The following OR51B5 variants were observed in gnomAD, a reference collection of about 807,000 sequenced individuals.
OR51B5 encodes olfactory receptor 51B5.
For missense variants in OR51B5, 456 were observed against 374.6 expected (o/e 1.22, Z -1.79); for synonymous variants, 186 against 144.8 (o/e 1.28, Z -2.04).
chr11:5,399,490 C>T lies in OR51B5; in HGVS notation n.85-52580G>A, dbSNP rs560404236. On this transcript the variant is annotated intron_variant and non_coding_transcript_variant, in intron 1 of 4. Transcript: ENST00000415970. ...TACTAATGTGCACAAAGGTAAAGTA[C>T]GTAAAGTTATACCGAACATAAGATT... is the stretch of plus-strand genomic sequence containing the variant. 1.4e-4 allele frequency among the ~76,000 whole-genome samples: 21 copies of T among 152,232 alleles called. No homozygotes were observed. In the South Asian group the frequency reaches 3.7e-3, roughly 27 times the overall value.
intron 1 of OR51B5, among the ~76,000 whole-genome samples, chr11:5,459,686 T>A (rs1851017704): frequency 6.6e-6 from 1 of 150,932 alleles, no homozygotes; most frequent in Admixed American, 6.6e-5. Flanking sequence ...TGGGATGCCA[T>A]CTCCCATCAG....
intron 1 of OR51B5, among the ~76,000 whole-genome samples, chr11:5,396,577 T>C (rs1849875803): frequency 6.6e-6 from 1 of 151,748 alleles, no homozygotes; most frequent in Non-Finnish European, 1.5e-5. Context: ...TGGAAGAACA[T>C]TCCATGCTCA....
intron 1 of OR51B5, among the ~76,000 whole-genome samples, chr11:5,364,481 T>C (rs921223680): frequency 1.3e-5 from 2 of 152,222 alleles, no homozygotes; most frequent in Non-Finnish European, 2.9e-5. Context: ...TAATTCTCAA[T>C]GGTCAGTCTC....
upstream of OR51B5, among the ~76,000 whole-genome samples, chr11:5,347,284 T>G (rs1443456859): frequency 6.6e-6 from 1 of 152,198 alleles, no homozygotes; most frequent in East Asian, 1.9e-4. Context: ...GTAACCTGAA[T>G]TTCTACTATA....
intron 1 of OR51B5, among the ~76,000 whole-genome samples, chr11:5,457,118 A>G (rs1850972557): frequency 6.6e-6 from 1 of 152,052 alleles, no homozygotes; most frequent in Admixed American, 6.5e-5. Flanking sequence ...AGTTTTTTGA[A>G]CCCCATACTC....
At position 5,477,636 on chromosome 11, in the gene OR51B5, C is replaced by T. The variant is rs935017670; in HGVS notation, n.84+27933G>A. Among the ~76,000 whole-genome samples the T allele has an allele frequency of 3.7e-4, 56 of 152,144 alleles. No individual in the cohort carries two copies. The East Asian group carries it at 6.0e-3, about 16-fold the overall frequency. On this transcript the variant is annotated intron_variant and non_coding_transcript_variant, in intron 1 of 4. Coordinates refer to the OR51B5 transcript ENST00000415970. ...TCACTAGGGAGTGCCAGACAGTCGGCGCAGGTCAGTGGGTGCGCGCACCGT... is the reference window on the plus strand; with the variant it reads ...TCACTAGGGAGTGCCAGACAGTCGGTGCAGGTCAGTGGGTGCGCGCACCGT...
At chr11:5,341,241 A>G (rs536481160), downstream of OR51B5, 159 of 152,318 alleles carry the variant, frequency 1.0e-3, no homozygotes, top group African/African-American at 3.5e-3. Flanking sequence ...AAGCAAGTGC[A>G]TACTGAAGCT....
intron 1 of OR51B5, among the ~76,000 whole-genome samples, chr11:5,408,994 C>A (rs566398294): frequency 1.6e-4 from 24 of 151,976 alleles, no homozygotes; most frequent in Non-Finnish European, 3.1e-4. Context: ...ATAAACCCAA[C>A]TTGTTGATCT....
chr11:5,359,856 T>A (rs549493364), intron 1 of OR51B5, among the ~76,000 whole-genome samples: 1 of 152,244 alleles, frequency 6.6e-6, no homozygotes, highest in African/African-American at 2.4e-5. Context: ...TACAACCATC[T>A]GATCTTTGAC....
intron 1 of OR51B5, among the ~76,000 whole-genome samples, chr11:5,358,714 C>A (rs975756032): frequency 6.6e-6 from 1 of 151,980 alleles, no homozygotes; most frequent in Non-Finnish European, 1.5e-5. Context: ...AGACCAATAT[C>A]CCTGATGGAC....
chr11:5,422,070 T>C, intron 1 of OR51B5: 1 of 723,644 alleles, frequency 1.4e-6, no homozygotes, highest in Non-Finnish European at 2.3e-6. Context: ...AATCTTGCTT[T>C]AGTTACCCTC....
At chr11:5,387,862 C>A (rs1498466) in intron 1 of OR51B5, among the ~76,000 whole-genome samples, 118,738 of 152,080 alleles carry the variant, frequency 0.78, 46,781 homozygotes, top group Middle Eastern at 0.84. Context: ...CCTTTGCTCC[C>A]TACTTCTTTA....
intron 1 of OR51B5, among the ~76,000 whole-genome samples, chr11:5,439,101 T>A (rs1850635520): frequency 1.0e-5 from 1 of 97,940 alleles, no homozygotes; most frequent in Admixed American, 1.1e-4. Flanking sequence ...TCTCTCGTCC[T>A]CTCTCTCTCT....
At chr11:5,500,021 G>A (rs1405925932) in intron 1 of OR51B5, among the ~76,000 whole-genome samples, 1 of 152,160 alleles carries the variant, frequency 6.6e-6, no homozygotes, top group Non-Finnish European at 1.5e-5. Context: ...TCCCTGCCTA[G>A]CCTAGGGGTA....
intron 1 of OR51B5, among the ~76,000 whole-genome samples, chr11:5,471,918 G>C (rs1489222664): frequency 6.6e-6 from 1 of 152,112 alleles, no homozygotes; most frequent in East Asian, 1.9e-4. Context: ...TGAATAAATG[G>C]CAACTAGGAA....
At chr11:5,405,650 A>G (rs949512301) in intron 1 of OR51B5, among the ~76,000 whole-genome samples, 1 of 152,246 alleles carries the variant, frequency 6.6e-6, no homozygotes, top group African/African-American at 2.4e-5. Flanking sequence ...ACACCTATAA[A>G]GCTTCTGAAT....
intron 1 of OR51B5, among the ~76,000 whole-genome samples, chr11:5,442,043 A>G (rs567013011): frequency 1.3e-5 from 2 of 151,936 alleles, no homozygotes; most frequent in Admixed American, 6.6e-5. Flanking sequence ...CTACCTTCCA[A>G]CCTTCTCATG....
rs368834335 is a variant in OR51B5 at position 5,391,558 on chromosome 11, G to A, written n.85-44648C>T. The A allele has an allele frequency of 8.5e-5, 13 of 152,282 alleles. No individual in the cohort carries two copies. In the East Asian group the frequency reaches 2.3e-3, roughly 27 times the overall value. The allele number at this position is 152,282 out of a possible 1,614,324, so 9.4% of individuals were successfully genotyped here. ...GCGTGGACATATAGATACATAAAGA[G>A]GGATCCAGAGCTAACAGAAGTTCTC... On this transcript the variant is annotated intron_variant and non_coding_transcript_variant, in intron 1 of 4. Coordinates refer to the OR51B5 transcript ENST00000415970.
chr11:5,476,524 A>T (rs1408104075), intron 1 of OR51B5, among the ~76,000 whole-genome samples: 1 of 152,200 alleles, frequency 6.6e-6, no homozygotes, highest in African/African-American at 2.4e-5. Flanking sequence ...TGAAAGAATG[A>T]GCCTCCTTTG....
Sources: gnomAD v4.1 joint callset for allele counts (sites outside exome capture counted in the v4.1 genomes callset) on GRCh38, gnomAD v4.1.1 for gene constraint, MANE v1.5 for transcripts, NCBI Gene and HGNC (gene_info 2026-07-23, HGNC 2026-07-21) for gene names.